Variants in TBC1D22A observed in about 807,000 individuals in gnomAD.
TBC1D22A encodes the protein putative GTPase activator.
In TBC1D22A, 38 loss-of-function variants were observed where a neutral mutation model predicts 60.2. That is an observed-to-expected ratio of 0.63 (90% confidence interval 0.49 to 0.83). The LOEUF (loss-of-function observed/expected upper bound fraction) is 0.83, where lower values mean the gene tolerates loss of function less well. Ranked by LOEUF, TBC1D22A falls within the 40% of genes least tolerant of loss-of-function variation. TBC1D22A has a pLI of 0.00. For missense variants in TBC1D22A, 628 were observed against 701.0 expected (o/e 0.90, Z 1.18); for synonymous variants, 302 against 281.7 (o/e 1.07, Z -0.72).
chr22:46,905,735 G>A (rs1332945393), intron 7 of TBC1D22A, among the ~76,000 whole-genome samples: 12 of 152,248 alleles, frequency 7.9e-5, no homozygotes, highest in Admixed American at 2.6e-4. Flanking sequence ...TAGGGGCCAA[G>A]CTTCCCCCTG....
intron 12 of TBC1D22A, among the ~76,000 whole-genome samples, chr22:47,114,605 C>G (rs1332822833): frequency 6.6e-6 from 1 of 152,036 alleles, no homozygotes; most frequent in Non-Finnish European, 1.5e-5. Context: ...AAGACGCTTC[C>G]GCATCCATGG....
chr22:47,100,863 A>T (rs1469731121), intron 11 of TBC1D22A, among the ~76,000 whole-genome samples: 1 of 152,204 alleles, frequency 6.6e-6, no homozygotes, highest in African/African-American at 2.4e-5. Flanking sequence ...TCTTCAAAGC[A>T]GAGTCCTGTC....
At chr22:47,058,499 G>T (rs1183642996) in intron 11 of TBC1D22A, among the ~76,000 whole-genome samples, 2 of 151,976 alleles carry the variant, frequency 1.3e-5, no homozygotes, top group Non-Finnish European at 2.9e-5. Flanking sequence ...CAGCATTAGA[G>T]CCCTCCTTCC....
At position 47,028,175 on chromosome 22, in the gene TBC1D22A, G is replaced by A. The variant is rs1223050356; in HGVS notation, c.1202-8896G>A. 6.6e-6 allele frequency among the ~76,000 whole-genome samples: 1 copy of A among 152,184 alleles called. No homozygotes were observed. The highest frequency in any genetic ancestry group is 1.5e-5 in the Non-Finnish European group (1 of 68,032). ...AAGTTGTATTTTAGATTATGTTACT[G>A]TCAAAAAAATAGACCTCAATACCTC... On this transcript the variant is annotated intron_variant, in intron 10 of 12. Transcript: ENST00000337137. The surrounding 1 kb of genome is among the most constrained non-coding windows in gnomAD (Gnocchi z 4.4).
intron 12 of TBC1D22A, among the ~76,000 whole-genome samples, chr22:47,115,477 A>C (rs1476766766): frequency 6.7e-6 from 1 of 148,396 alleles, no homozygotes; most frequent in Non-Finnish European, 1.5e-5. Context: ...TCCATCTGCC[A>C]CTCTCCCACC....
At chr22:46,793,019 C>T (rs986227675) in intron 2 of TBC1D22A, among the ~76,000 whole-genome samples, 2 of 152,276 alleles carry the variant, frequency 1.3e-5, no homozygotes, top group East Asian at 1.9e-4. Context: ...TGCAGGACTG[C>T]ACCTGTCTGA....
intron 4 of TBC1D22A, among the ~76,000 whole-genome samples, chr22:46,800,098 T>C (rs2084830184): frequency 6.6e-6 from 1 of 152,180 alleles, no homozygotes; most frequent in Non-Finnish European, 1.5e-5. Context: ...GCCTTAGTCT[T>C]TAGAGTGCCC....
Position 47,173,741 on chromosome 22 carries a change from C to A in TBC1D22A, c.*115C>A. 6.7e-7 allele frequency: 1 copy of A among 1,491,374 alleles called. No individual in the cohort carries two copies. Among genetic ancestry groups the A allele is most frequent in the Non-Finnish European group, 9.1e-7 (1 of 1,095,582 alleles). 92.4% of individuals were successfully genotyped at this position (1,491,374 alleles called of 1,614,324 possible). On this transcript the variant is annotated 3_prime_UTR_variant, in exon 13 of 13. Transcript: ENST00000337137. Reference sequence around the variant, plus strand: ...GCTGCTAAAAGGCCTTGTGAGGTGGCCCCACCCTCCAGGGGAGCTGGTGAA... The same window carrying A: ...GCTGCTAAAAGGCCTTGTGAGGTGGACCCACCCTCCAGGGGAGCTGGTGAA...
chr22:47,075,930 A>G (rs534676281), intron 11 of TBC1D22A, among the ~76,000 whole-genome samples: 1 of 152,318 alleles, frequency 6.6e-6, no homozygotes, highest in East Asian at 1.9e-4. Flanking sequence ...ATTTTAAGCC[A>G]AAATGTATTA....
intron 4 of TBC1D22A, among the ~76,000 whole-genome samples, chr22:46,866,821 C>T (rs559554233): frequency 3.5e-4 from 53 of 152,346 alleles, no homozygotes; most frequent in East Asian, 7.7e-4. Flanking sequence ...AGCAGGCATG[C>T]GGAAGCGTTA....
intron 8 of TBC1D22A, among the ~76,000 whole-genome samples, chr22:46,961,811 A>T (rs892077981): frequency 6.6e-6 from 1 of 152,210 alleles, no homozygotes; most frequent in African/African-American, 2.4e-5. Flanking sequence ...AGTGCGGCAC[A>T]ATTGATGGCG....
chr22:46,791,659 A>G (rs1276880743), intron 1 of TBC1D22A, among the ~76,000 whole-genome samples: 1 of 152,058 alleles, frequency 6.6e-6, no homozygotes, highest in East Asian at 1.9e-4. Flanking sequence ...TTCTGGGTAG[A>G]GGTTGATGAG....
At chr22:46,966,090 G>A (rs745720809) in intron 8 of TBC1D22A, among the ~76,000 whole-genome samples, 2 of 152,166 alleles carry the variant, frequency 1.3e-5, no homozygotes, top group African/African-American at 4.8e-5. Flanking sequence ...AGTCTCTGGG[G>A]CCTCCGCATC....
chr22:47,112,631 C>G (rs1245398143), intron 12 of TBC1D22A, among the ~76,000 whole-genome samples: 2 of 152,236 alleles, frequency 1.3e-5, no homozygotes, highest in Non-Finnish European at 2.9e-5. Context: ...AGGCCAAGAG[C>G]TGCCAACAGA....
intron 11 of TBC1D22A, among the ~76,000 whole-genome samples, chr22:47,078,052 T>C (rs2064301131): frequency 6.6e-6 from 1 of 152,206 alleles, no homozygotes; most frequent in Non-Finnish European, 1.5e-5. Flanking sequence ...TGGTCATACA[T>C]GCCCATCTGT....
At chr22:47,074,230 G>C (rs1350130260) in intron 11 of TBC1D22A, among the ~76,000 whole-genome samples, 1 of 152,240 alleles carries the variant, frequency 6.6e-6, no homozygotes, top group Non-Finnish European at 1.5e-5. Context: ...GCGCCTCCCA[G>C]GCTAGGAATC....
intron 9 of TBC1D22A, 37 bp from the exon 10 acceptor site, chr22:46,997,597 T>C (rs9616193): frequency 0.029 from 44,330 of 1,552,844 alleles, 1,008 homozygotes; most frequent in South Asian, 0.084. Flanking sequence ...TGTTTTATTT[T>C]ATATGCATAT....
At chr22:47,126,464 G>A (rs539956083) in intron 12 of TBC1D22A, among the ~76,000 whole-genome samples, 5 of 152,318 alleles carry the variant, frequency 3.3e-5, no homozygotes, top group East Asian at 1.9e-4. Flanking sequence ...AGGCCCCGCC[G>A]GGGCCCACAG....
At chr22:46,836,899 C>T (rs56250800) in intron 4 of TBC1D22A, among the ~76,000 whole-genome samples, 2,823 of 151,918 alleles carry the variant, frequency 0.019, 89 homozygotes, top group African/African-American at 0.065. Context: ...TGGCTCATGC[C>T]TATAATTCCA....
Sources: gnomAD v4.1 joint callset for allele counts (sites outside exome capture counted in the v4.1 genomes callset) on GRCh38, gnomAD v4.1.1 for gene constraint, Gnocchi (gnomAD v3.1) non-coding constraint, MANE v1.5 for transcripts, NCBI Gene and HGNC (gene_info 2026-07-23, HGNC 2026-07-21) for gene names.